The following AP2B1 variants were observed in gnomAD, a reference collection of about 807,000 sequenced individuals.
AP2B1 encodes adaptor related protein complex 2 subunit beta 1.
Under a neutral mutation model 102.0 loss-of-function variants are expected in AP2B1, and 23 were observed. That is an observed-to-expected ratio of 0.23 (90% CI 0.16 to 0.32). The LOEUF is 0.32. Among genes scored for constraint, AP2B1 ranks in the 10% least tolerant of loss-of-function variants. AP2B1 has a pLI of 1.00. For synonymous variants in AP2B1, 381 were observed against 421.2 expected (o/e 0.90, Z 1.17); for missense variants, 541 against 1,157.4 (o/e 0.47, Z 7.73).
chr17:35,661,240 GA>G (rs375780143), intron 14 of AP2B1, among the ~76,000 whole-genome samples: 2 of 151,862 alleles, frequency 1.3e-5, no homozygotes, highest in Admixed American at 6.6e-5. Flanking sequence ...AAACTATAAA[GA>G]AAAAAAATAC....
At chr17:35,596,518 TC>T (rs1201408786) in intron 2 of AP2B1, among the ~76,000 whole-genome samples, 39 of 76,812 alleles carry the variant, frequency 5.1e-4, no homozygotes, top group Admixed American at 4.5e-3. Context: ...ACTATTTCTT[TC>T]TTTTTTTTTT....
chr17:35,635,382 T>C (rs375864717), intron 9 of AP2B1, among the ~76,000 whole-genome samples: 1 of 124,808 alleles, frequency 8.0e-6, no homozygotes, highest in Admixed American at 7.7e-5. Flanking sequence ...TTTTGCTTTG[T>C]TTTGTTTTGT....
chr17:35,612,919 A>G (rs1311978500), intron 5 of AP2B1, among the ~76,000 whole-genome samples: 1 of 150,762 alleles, frequency 6.6e-6, no homozygotes, highest in African/African-American at 2.5e-5. Flanking sequence ...GAACTGCTTC[A>G]TTTTCTCAAA....
At chr17:35,720,562 T>TAA (rs2085338865) in intron 21 of AP2B1, among the ~76,000 whole-genome samples, 1 of 53,990 alleles carries the variant, frequency 1.9e-5, no homozygotes, top group African/African-American at 7.1e-5. Context: ...TATATATATA[T>TAA]ATATATATAT....
At chr17:35,620,970 C>A (rs1443931382) in intron 5 of AP2B1, among the ~76,000 whole-genome samples, 1 of 152,098 alleles carries the variant, frequency 6.6e-6, no homozygotes, top group Non-Finnish European at 1.5e-5. Flanking sequence ...AGTTCTAAAT[C>A]AAAGTAATAG....
intron 3 of AP2B1, chr17:35,600,885 C>A (rs225290): frequency 6.0e-5 from 28 of 465,676 alleles, no homozygotes; most frequent in East Asian, 1.5e-4. Context: ...GACGGGGAGC[C>A]CAGATAGAAA....
chr17:35,717,059 C>G, intron 20 of AP2B1, 136 bp from the exon 21 acceptor site: 1 of 931,148 alleles, frequency 1.1e-6, no homozygotes, highest in Non-Finnish European at 1.6e-6. Context: ...AGAATGGCTT[C>G]TGAAGTGTAC....
intron 18 of AP2B1, among the ~76,000 whole-genome samples, chr17:35,696,224 G>A (rs1257920341): frequency 6.6e-6 from 1 of 151,800 alleles, no homozygotes; most frequent in Non-Finnish European, 1.5e-5. Context: ...ATTGACTATT[G>A]TCCTTGTCTG....
At chr17:35,629,540 C>G (rs377759317) in intron 9 of AP2B1, among the ~76,000 whole-genome samples, 1 of 151,936 alleles carries the variant, frequency 6.6e-6, no homozygotes, top group Non-Finnish European at 1.5e-5. Context: ...ATGAATGATT[C>G]GTTTTTTTGT....
intron 21 of AP2B1, among the ~76,000 whole-genome samples, chr17:35,721,457 A>C (rs1363239816): frequency 6.6e-6 from 1 of 152,204 alleles, no homozygotes; most frequent in East Asian, 1.9e-4. Context: ...GGAGCCATAC[A>C]AAATGAGAGC....
chr17:35,676,699 A>G (rs1000578105), intron 17 of AP2B1, among the ~76,000 whole-genome samples: 14 of 152,212 alleles, frequency 9.2e-5, no homozygotes, highest in African/African-American at 2.9e-4. Flanking sequence ...AATTTTAGCC[A>G]TTCTTGTCGC....
At chr17:35,696,681 A>C (rs905736250) in intron 18 of AP2B1, among the ~76,000 whole-genome samples, 1 of 151,968 alleles carries the variant, frequency 6.6e-6, no homozygotes, top group African/African-American at 2.4e-5. Flanking sequence ...GAGCCACCGC[A>C]CGCCTGGCTA....
chr17:35,627,262 TTTTTTTTG>T, intron 7 of AP2B1, 115 bp from the exon 8 acceptor site: 1 of 462,004 alleles, frequency 2.2e-6, no homozygotes, highest in Non-Finnish European at 3.2e-6. Flanking sequence ...TTTTTTTTTT[TTTTTTTTG>T]CCTGAGTGGA....
At chr17:35,596,519 C>CTTT (rs35095177) in intron 2 of AP2B1, among the ~76,000 whole-genome samples, 15 of 143,544 alleles carry the variant, frequency 1.0e-4, no homozygotes, top group South Asian at 2.2e-4. Flanking sequence ...CTATTTCTTT[C>CTTT]TTTTTTTTTT....
intron 5 of AP2B1, 108 bp from the exon 6 acceptor site, chr17:35,624,289 A>G (rs2074259158): frequency 1.0e-6 from 1 of 972,782 alleles, no homozygotes; most frequent in Non-Finnish European, 1.6e-6. Flanking sequence ...ATGTTCAGGA[A>G]TGGTTATGAA....
At chr17:35,666,842 C>T (rs558482554) in intron 14 of AP2B1, among the ~76,000 whole-genome samples, 1 of 152,184 alleles carries the variant, frequency 6.6e-6, no homozygotes, top group South Asian at 2.1e-4. Context: ...AACCTGAATC[C>T]CAATAATCTC....
At chr17:35,597,297 T>G (rs1423108594) in intron 2 of AP2B1, among the ~76,000 whole-genome samples, 6 of 152,028 alleles carry the variant, frequency 3.9e-5, no homozygotes, top group Non-Finnish European at 8.8e-5. Flanking sequence ...GGACTTAGTG[T>G]TTTTTTTCCG....
chr17:35,606,187 G>A (rs778723689), intron 4 of AP2B1, among the ~76,000 whole-genome samples: 1 of 152,068 alleles, frequency 6.6e-6, no homozygotes, highest in Admixed American at 6.6e-5. Context: ...CAGTAGTGGA[G>A]ACTGCCGGAG....
chr17:35,649,517 G>A (rs1299129718), intron 12 of AP2B1, among the ~76,000 whole-genome samples: 2 of 152,190 alleles, frequency 1.3e-5, no homozygotes, highest in East Asian at 1.9e-4. Context: ...TGATCCTCCC[G>A]CCTCGGCTTC....
Sources: allele counts gnomAD v4.1 joint callset (sites outside exome capture counted in the v4.1 genomes callset), GRCh38; gene constraint gnomAD v4.1.1; transcripts MANE v1.5; gene names NCBI Gene and HGNC (gene_info 2026-07-23, HGNC 2026-07-21).